The following KANSL1 variants were observed in gnomAD, a reference collection of about 807,000 sequenced individuals.
The protein encoded by KANSL1 is KAT8 regulatory NSL complex subunit 1.
Under a neutral mutation model 103.6 loss-of-function variants are expected in KANSL1, and 22 were observed. The ratio of observed to expected loss-of-function variants is 0.21; its 90% CI spans 0.15 to 0.30. The LOEUF is 0.30. Ranked by LOEUF, KANSL1 falls within the 10% of genes least tolerant of loss-of-function variation. The pLI is 1.00. For missense variants in KANSL1, 1,337 were observed against 1,399.8 expected (o/e 0.96, Z 0.72); for synonymous variants, 600 against 527.6 (o/e 1.14, Z -1.88).
chr17:46,048,120 C>G (rs1038679194), intron 7 of KANSL1, among the ~76,000 whole-genome samples: 1 of 151,990 alleles, frequency 6.6e-6, no homozygotes, highest in African/African-American at 2.4e-5. Flanking sequence ...GTTGCCCATG[C>G]TGGTCTCAAA....
At chr17:46,173,253 G>A in intron 1 of KANSL1, among the ~76,000 whole-genome samples, 1 of 152,174 alleles carries the variant, frequency 6.6e-6, no homozygotes, top group East Asian at 1.9e-4. Flanking sequence ...GTATGGTGAG[G>A]TTTCTTAACC....
intron 2 of KANSL1, among the ~76,000 whole-genome samples, chr17:46,127,550 T>C (rs556529371): frequency 1.7e-4 from 26 of 152,292 alleles, no homozygotes; most frequent in South Asian, 4.1e-4. Flanking sequence ...GGCGGACAGA[T>C]TGCTTTTCAG....
intron 13 of KANSL1, among the ~76,000 whole-genome samples, 194 bp downstream of exon 13, chr17:46,032,886 A>G (rs1033062517): frequency 2.0e-5 from 3 of 152,188 alleles, no homozygotes; most frequent in Non-Finnish European, 2.9e-5. Flanking sequence ...TTGGCTCCTT[A>G]TATCTCCACT....
At chr17:46,099,130 T>G (rs180677903) in intron 2 of KANSL1, among the ~76,000 whole-genome samples, 1,641 of 118,758 alleles carry the variant, frequency 0.014, 108 homozygotes, top group African/African-American at 0.037. Context: ...GAGACCATCC[T>G]GGCTAACACG....
intron 13 of KANSL1, 158 bp from the exon 14 acceptor site, chr17:46,032,457 T>C (rs2077037955): frequency 1.7e-6 from 1 of 585,040 alleles, no homozygotes; most frequent in South Asian, 2.7e-5. Context: ...CACTATTCTC[T>C]GGAGGGGTAG....
chr17:46,079,890 T>C (rs2078919727), intron 4 of KANSL1, among the ~76,000 whole-genome samples: 2 of 151,878 alleles, frequency 1.3e-5, no homozygotes, highest in Non-Finnish European at 2.9e-5. Context: ...GGTGGGAGGA[T>C]CACTTGAACC....
intron 6 of KANSL1, among the ~76,000 whole-genome samples, chr17:46,058,737 ACACACACT>A (rs1168326353): frequency 5.5e-5 from 4 of 72,342 alleles, no homozygotes; most frequent in African/African-American, 1.4e-4. Flanking sequence ...ACACACACAC[ACACACACT>A]CTCTCTCTCT....
intron 3 of KANSL1, chr17:46,094,331 A>T (rs2079530379): frequency 1.8e-6 from 1 of 547,956 alleles, no homozygotes; most frequent in Non-Finnish European, 3.1e-6. Context: ...TCCTGAGCTC[A>T]AATGATCCTC....
At chr17:46,163,687 G>C (rs1027705634) in intron 2 of KANSL1, among the ~76,000 whole-genome samples, 1 of 152,216 alleles carries the variant, frequency 6.6e-6, no homozygotes, top group Non-Finnish European at 1.5e-5. Flanking sequence ...TAGTCAGCCA[G>C]GCTTAAAACT....
intron 2 of KANSL1, among the ~76,000 whole-genome samples, chr17:46,111,623 G>A (rs1481804298): frequency 6.6e-6 from 1 of 152,224 alleles, no homozygotes; most frequent in African/African-American, 2.4e-5. Context: ...AAAGAGATCA[G>A]CAGACCACAA....
At chr17:46,087,532 T>C (rs1268653181) in intron 3 of KANSL1, among the ~76,000 whole-genome samples, 1 of 152,176 alleles carries the variant, frequency 6.6e-6, no homozygotes, top group Non-Finnish European at 1.5e-5. Context: ...GATTCTACCA[T>C]AAGGAGCTTA....
chr17:46,032,322 C>CT (rs1459888986), intron 13 of KANSL1, 23 bp from the exon 14 acceptor site: 1 of 1,491,916 alleles, frequency 6.7e-7, no homozygotes, highest in African/African-American at 1.4e-5. Context: ...GAATGCAAAT[C>CT]TGAGTGCCTG....
chr17:46,161,457 C>T (rs2045740504), intron 2 of KANSL1, among the ~76,000 whole-genome samples: 1 of 151,570 alleles, frequency 6.6e-6, no homozygotes, highest in African/African-American at 2.4e-5. Context: ...AACCTTGTTT[C>T]CTAGCTCACC....
At chr17:46,132,958 T>C (rs908708152) in intron 2 of KANSL1, among the ~76,000 whole-genome samples, 5 of 152,008 alleles carry the variant, frequency 3.3e-5, no homozygotes, top group Non-Finnish European at 5.9e-5. Context: ...AAAACAAAAG[T>C]AAGCAGATGG....
At chr17:46,151,886 A>G (rs902246038) in intron 2 of KANSL1, among the ~76,000 whole-genome samples, 3 of 152,244 alleles carry the variant, frequency 2.0e-5, no homozygotes, top group African/African-American at 4.8e-5. Flanking sequence ...CCTAATCTGA[A>G]AAACATCCTA....
Position 46,161,325 on chromosome 17 carries a change from A to G in KANSL1, c.1289+9530T>C, listed in dbSNP as rs1379838854. On this transcript the variant is annotated intron_variant, in intron 2 of 14. Transcript: ENST00000432791. Reference sequence around the variant, plus strand: ...GTGGCAGACGCCTGCAGTCCCAGCTACTTGGGAGGCTGAGGCAGGAGAATG... The same window carrying G: ...GTGGCAGACGCCTGCAGTCCCAGCTGCTTGGGAGGCTGAGGCAGGAGAATG... 3.3e-5 allele frequency among the ~76,000 whole-genome samples: 5 copies of G among 151,528 alleles called. No individual in the cohort carries two copies. In the East Asian group the frequency reaches 9.7e-4, roughly 29 times the overall value.
At chr17:46,161,171 T>C (rs1463571657) in intron 2 of KANSL1, among the ~76,000 whole-genome samples, 6 of 150,450 alleles carry the variant, frequency 4.0e-5, no homozygotes, top group African/African-American at 7.4e-5. Flanking sequence ...TCCCAGCACT[T>C]TGGGAGGCCG....
At chr17:46,108,451 T>A (rs763887251) in intron 2 of KANSL1, among the ~76,000 whole-genome samples, 1 of 152,230 alleles carries the variant, frequency 6.6e-6, no homozygotes, top group Non-Finnish European at 1.5e-5. Context: ...AAATACCCCC[T>A]ACACACCTTT....
chr17:46,064,388 C>T (rs2078298014), intron 6 of KANSL1, among the ~76,000 whole-genome samples: 1 of 152,132 alleles, frequency 6.6e-6, no homozygotes, highest in Admixed American at 6.5e-5. Context: ...AGAAAAATTC[C>T]CATTCTCTGC....
Sources: gnomAD v4.1 joint callset for allele counts (sites outside exome capture counted in the v4.1 genomes callset) on GRCh38, gnomAD v4.1.1 for gene constraint, MANE v1.5 for transcripts, NCBI Gene and HGNC (gene_info 2026-07-23, HGNC 2026-07-21) for gene names.